Variants in SSX3 observed in about 807,000 individuals in gnomAD.
The protein encoded by SSX3 is protein SSX3.
Under a neutral mutation model 14.8 loss-of-function variants are expected in SSX3, and 6 were observed. That is an observed-to-expected ratio of 0.41 (90% confidence interval 0.22 to 0.80). The LOEUF is 0.80. SSX3 is among the 30% of genes least tolerant of loss of function. The pLI is 0.34. For missense variants in SSX3, 163 were observed against 152.2 expected (o/e 1.07, Z -0.37); for synonymous variants, 55 against 52.9 (o/e 1.04, Z -0.18).
chrX:48,348,673 A>G (rs1418382005), intron 6 of SSX3, among the ~76,000 whole-genome samples: 1 of 112,620 alleles, frequency 8.9e-6, no homozygotes, highest in Middle Eastern at 4.6e-3. Flanking sequence ...AGGAAATAAT[A>G]GTATATAATG....
Position 48,354,456 on chromosome X carries a change from A to C in SSX3, c.184+176T>G, listed in dbSNP as rs782155116. Among the ~76,000 whole-genome samples, 87 of 109,485 alleles carry C rather than the reference A, an allele frequency of 7.9e-4. 1 individual carries two copies. Among genetic ancestry groups the C allele is most frequent in the African/African-American group, 2.8e-3 (84 of 30,075 alleles). ...GGTATGAGCTCCACTGTGGCCAGTC[A>C]CTGCCCTCAGCCCTGACAGGATATA... On this transcript the variant is annotated intron_variant, in intron 3 of 7. Coordinates refer to ENST00000298396, the MANE Select transcript of SSX3 (RefSeq NM_021014.4).
chrX:48,353,137 T>C (rs1381854386), intron 4 of SSX3, among the ~76,000 whole-genome samples: 1 of 110,651 alleles, frequency 9.0e-6, no homozygotes. Flanking sequence ...TTTCTTTTTT[T>C]TTTTTTTCAC....
intron 1 of SSX3, among the ~76,000 whole-genome samples, chrX:48,355,702 T>A (rs2061284057): frequency 9.0e-6 from 1 of 111,356 alleles, no homozygotes; most frequent in Admixed American, 9.6e-5. Flanking sequence ...TCTTTGGTGA[T>A]GGATCTGATC....
intron 2 of SSX3, 113 bp from the exon 3 acceptor site, chrX:48,354,859 G>A (rs1440267166): frequency 8.4e-7 from 1 of 1,196,741 alleles, no homozygotes; most frequent in Non-Finnish European, 1.1e-6. Flanking sequence ...ATCCTTCCTG[G>A]TTGATGCCAC....
intron 5 of SSX3, 123 bp from the exon 6 acceptor site, chrX:48,350,245 C>A: frequency 9.6e-7 from 1 of 1,037,484 alleles, no homozygotes; most frequent in African/African-American, 1.9e-5. Flanking sequence ...GGGAGAGTTA[C>A]ACAGGCCTAA....
rs782182245 is a variant in SSX3, at chrX:48,348,140, A to C, written c.467-536T>G. Reference sequence around the variant, plus strand: ...GGGTACACAGTAGGTGTATATTCTTATGGGGTACATGAGATGCTTTGATAC... The same window carrying C: ...GGGTACACAGTAGGTGTATATTCTTCTGGGGTACATGAGATGCTTTGATAC... On this transcript the variant is annotated intron_variant, in intron 6 of 7. Transcript: ENST00000298396. 24 of 361,711 alleles carry C rather than the reference A, an allele frequency of 6.6e-5. No individual in the cohort carries two copies. In the South Asian group the frequency reaches 9.8e-4, roughly 15 times the overall value. 29.8% of individuals were successfully genotyped at this position (361,711 alleles called of 1,213,427 possible).
intron 6 of SSX3, chrX:48,349,531 G>C (rs1556949137): frequency 8.3e-7 from 1 of 1,209,505 alleles, no homozygotes; most frequent in African/African-American, 1.7e-5. Context: ...AACAATGTGT[G>C]TGACTCACTT....
intron 6 of SSX3, chrX:48,349,483 T>C (rs182477475): frequency 2.9e-5 from 34 of 1,174,806 alleles, no homozygotes; most frequent in African/African-American, 3.5e-5. Flanking sequence ...GACTACACTG[T>C]AGTGTAAACA....
At chrX:48,349,582 G>A (rs1556949170) in intron 6 of SSX3, 1 of 1,209,686 alleles carries the variant, frequency 8.3e-7, no homozygotes, top group Admixed American at 2.2e-5. Flanking sequence ...TATCTCTGAA[G>A]GACACCTGTA....
At chrX:48,350,777 T>C (rs1168194569) in intron 5 of SSX3, among the ~76,000 whole-genome samples, 2 of 107,217 alleles carry the variant, frequency 1.9e-5, no homozygotes, top group African/African-American at 6.8e-5. Context: ...TTTTCTTTTT[T>C]TTTTTTTTTT....
chrX:48,351,608 C>T (rs1433392296), intron 5 of SSX3, among the ~76,000 whole-genome samples: 1 of 112,488 alleles, frequency 8.9e-6, no homozygotes, highest in African/African-American at 3.2e-5. Flanking sequence ...TAGACTACCA[C>T]TGACACTGCG....
Position 48,346,714 on chromosome X carries a change from G to A in SSX3, c.*326C>T. 1.5e-5 allele frequency: 6 copies of A among 397,265 alleles called. No individual in the cohort carries two copies. The highest frequency in any genetic ancestry group is 1.5e-3 in the Middle Eastern group (2 of 1,344). The allele number at this position is 397,265 out of a possible 1,213,427, so 32.7% of individuals were successfully genotyped here. A position where few individuals can be genotyped will look rare whatever the true frequency, so the allele number is the denominator to read the frequency against. On this transcript the variant is annotated 3_prime_UTR_variant, in exon 8 of 8. Coordinates refer to ENST00000298396, the MANE Select transcript of SSX3 (RefSeq NM_021014.4). ...TCTAGGGAGAGAGGAGGGTAATGCTGTTCCATGCAGAGGTAACTGACAATA... is the reference window on the plus strand; with the variant it reads ...TCTAGGGAGAGAGGAGGGTAATGCTATTCCATGCAGAGGTAACTGACAATA...
At chrX:48,351,726 C>A (rs2146665710) in intron 5 of SSX3, among the ~76,000 whole-genome samples, 1 of 111,802 alleles carries the variant, frequency 8.9e-6, no homozygotes, top group South Asian at 3.7e-4. Context: ...ACTTCCATTT[C>A]ATGGACCAGG....
chrX:48,351,563 C>T (rs1395999279), intron 5 of SSX3, among the ~76,000 whole-genome samples: 3 of 112,494 alleles, frequency 2.7e-5, no homozygotes, highest in Admixed American at 1.9e-4. Flanking sequence ...CAAATGCAAA[C>T]GTGAATGAGC....
Position 48,347,486 on chromosome X carries a change from G to A in SSX3, c.*4+14C>T, listed in dbSNP as rs1556948768. The stretch of plus-strand genomic sequence containing the variant: ...TCTGCAGGGATGCAGGGGATGAGTG[G>A]AAGGTTCTCTTACGGAGTTACTCAT... On this transcript the variant is annotated intron_variant, in intron 7 of 7. Transcript: ENST00000298396. The A allele has an allele frequency of 4.1e-6, 5 of 1,209,179 alleles. No homozygotes were observed. Among genetic ancestry groups the A allele is most frequent in the Admixed American group, 4.3e-5 (2 of 46,067 alleles).
At chrX:48,348,250 T>C in intron 6 of SSX3, 1 of 463,855 alleles carries the variant, frequency 2.2e-6, no homozygotes, top group Non-Finnish European at 3.9e-6. Context: ...ACAATCCATT[T>C]ATGCTCTTTT....
chrX:48,351,115 C>A (rs1324443947), intron 5 of SSX3, among the ~76,000 whole-genome samples: 2 of 111,683 alleles, frequency 1.8e-5, no homozygotes, highest in Non-Finnish European at 1.9e-5. Flanking sequence ...AATAGTGAAC[C>A]ATACATGTAA....
chrX:48,355,834 G>T (rs1400977695), intron 1 of SSX3, among the ~76,000 whole-genome samples: 3 of 111,766 alleles, frequency 2.7e-5, no homozygotes, highest in African/African-American at 9.8e-5. Flanking sequence ...TAGAATTTCT[G>T]AGACTACAAG....
In SSX3 at chrX:48,354,105, G is replaced by A; in HGVS notation, c.185-11C>T. 1 of 1,186,912 alleles carries A rather than the reference G, an allele frequency of 8.4e-7. No individual in the cohort carries two copies. The highest frequency in any genetic ancestry group is 1.8e-5 in the African/African-American group (1 of 56,932). ...GGATGGCCTTGAAACCTAGAAAGAA[G>A]CAAAATGTTTATTCCTTAAGAGACA... On this transcript the variant is annotated splice_polypyrimidine_tract_variant and intron_variant, in intron 3 of 7. Transcript: ENST00000298396.
Sources: allele counts gnomAD v4.1 joint callset (sites outside exome capture counted in the v4.1 genomes callset), GRCh38; gene constraint gnomAD v4.1.1; transcripts MANE v1.5; gene names NCBI Gene and HGNC (gene_info 2026-07-23, HGNC 2026-07-21).